NTM: variants seen among roughly 807,000 people sequenced by gnomAD.
NTM encodes neurotrimin, also known as IgLON family member 2.
NTM carries 13 observed loss-of-function variants against 42.1 expected under a neutral mutation model. That is an observed-to-expected ratio of 0.31 (90% CI 0.20 to 0.49). NTM has a LOEUF of 0.49. Among genes scored for constraint, NTM ranks in the 20% least tolerant of loss-of-function variants. The probability of loss-of-function intolerance (pLI) is 0.99; values close to 1 mark genes in which losing one functional copy is unlikely to be tolerated. For missense variants in NTM, 373 were observed against 452.8 expected (o/e 0.82, Z 1.60); for synonymous variants, 187 against 179.2 (o/e 1.04, Z -0.35).
intron 4 of NTM, among the ~76,000 whole-genome samples, chr11:132,261,401 C>A (rs1044913792): frequency 3.9e-5 from 6 of 152,148 alleles, no homozygotes; most frequent in African/African-American, 1.2e-4. Context: ...ACCTGGGGGG[C>A]ACAGACGCAC....
chr11:131,703,227 C>G (rs537902484), intron 1 of NTM, among the ~76,000 whole-genome samples: 3 of 152,166 alleles, frequency 2.0e-5, no homozygotes, highest in African/African-American at 4.8e-5. Flanking sequence ...GTAAAATACT[C>G]TCTTCACAAA....
intron 2 of NTM, among the ~76,000 whole-genome samples, chr11:132,078,599 C>G (rs1423234330): frequency 6.6e-6 from 1 of 152,158 alleles, no homozygotes; most frequent in African/African-American, 2.4e-5. Flanking sequence ...TAAAGTAAGC[C>G]AGATAGAAAC....
At chr11:131,982,230 G>T (rs552883707) in intron 2 of NTM, among the ~76,000 whole-genome samples, 3 of 152,222 alleles carry the variant, frequency 2.0e-5, no homozygotes, top group East Asian at 1.9e-4. Flanking sequence ...GGGAAGGGAG[G>T]CTCCTTTTTG....
chr11:131,450,976 TC>T (rs1950440394), intron 1 of NTM, among the ~76,000 whole-genome samples: 1 of 151,980 alleles, frequency 6.6e-6, no homozygotes, highest in Non-Finnish European at 1.5e-5. Context: ...CTTTCTGGGG[TC>T]CTCAAACTCT....
chr11:132,131,708 G>A lies in NTM; in HGVS notation c.168-14574G>A, dbSNP rs76709045. Among the ~76,000 whole-genome samples the A allele has an allele frequency of 2.7e-3, 406 of 152,244 alleles. 8 individuals carry two copies. The East Asian group carries it at 0.029, about 11-fold the overall frequency. ...TTTGAGCTTCATCCTGAAGGCAGTG[G>A]GAACCACTGAAGGCTCTTGAACAAG... is the stretch of plus-strand genomic sequence containing the variant. On this transcript the variant is annotated intron_variant, in intron 2 of 8. Coordinates refer to ENST00000683400, the MANE Select transcript of NTM (RefSeq NM_001352005.2).
chr11:132,279,423 A>G (rs1242828066), intron 4 of NTM, among the ~76,000 whole-genome samples: 1 of 152,178 alleles, frequency 6.6e-6, no homozygotes, highest in East Asian at 1.9e-4. Context: ...AATCTTGCAG[A>G]TGATCATCCA....
intron 2 of NTM, among the ~76,000 whole-genome samples, chr11:131,923,770 CCTTT>C (rs1220716567): frequency 1.3e-5 from 2 of 152,162 alleles, no homozygotes; most frequent in Non-Finnish European, 2.9e-5. Context: ...TTCATGTTAA[CCTTT>C]CTTTATTAAG....
chr11:131,777,154 A>C, intron 1 of NTM: 50 of 669,894 alleles, frequency 7.5e-5, no homozygotes, highest in East Asian at 1.4e-4. Flanking sequence ...TAACATCTCC[A>C]CCAATGCCCA....
intron 1 of NTM, among the ~76,000 whole-genome samples, chr11:131,799,583 C>A (rs1287543663): frequency 6.6e-6 from 1 of 152,098 alleles, no homozygotes; most frequent in African/African-American, 2.4e-5. Context: ...TTGGAGCCAG[C>A]CAAATACATC....
intron 2 of NTM, among the ~76,000 whole-genome samples, chr11:132,109,320 A>G (rs1338663680): frequency 6.6e-6 from 1 of 152,128 alleles, no homozygotes; most frequent in Non-Finnish European, 1.5e-5. Flanking sequence ...TCCCACCAAC[A>G]GTGTAAAAGC....
chr11:132,100,782 G>A (rs2061534720), intron 2 of NTM, among the ~76,000 whole-genome samples: 1 of 152,168 alleles, frequency 6.6e-6, no homozygotes, highest in South Asian at 2.1e-4. Context: ...ACTGAGCTGT[G>A]TTTTGATATG....
chr11:131,928,264 T>C (rs1324083293), intron 2 of NTM, among the ~76,000 whole-genome samples: 5 of 152,220 alleles, frequency 3.3e-5, no homozygotes, highest in Non-Finnish European at 5.9e-5. Context: ...ATAATACTTA[T>C]CGTAAGTATT....
intron 2 of NTM, among the ~76,000 whole-genome samples, chr11:132,132,530 G>A (rs1237848563): frequency 6.6e-6 from 1 of 152,180 alleles, no homozygotes; most frequent in Non-Finnish European, 1.5e-5. Flanking sequence ...ATGTAGCCAT[G>A]TATTTGGTTA....
chr11:131,818,245 C>A (rs572788006), intron 1 of NTM, among the ~76,000 whole-genome samples: 49 of 152,180 alleles, frequency 3.2e-4, no homozygotes, highest in Admixed American at 1.2e-3. Flanking sequence ...TCCCACCACC[C>A]AGGCCTGCCT....
intron 1 of NTM, among the ~76,000 whole-genome samples, chr11:131,709,785 G>C (rs2076938578): frequency 6.6e-6 from 1 of 152,118 alleles, no homozygotes; most frequent in Non-Finnish European, 1.5e-5. Context: ...AGCGAATATA[G>C]ATACAAAAGA....
At chr11:131,646,403 G>C (rs1475239212) in intron 1 of NTM, among the ~76,000 whole-genome samples, 1 of 152,122 alleles carries the variant, frequency 6.6e-6, no homozygotes, top group Non-Finnish European at 1.5e-5. Flanking sequence ...AATTCTACAA[G>C]TCCAGCTTTC....
intron 1 of NTM, among the ~76,000 whole-genome samples, chr11:131,586,410 C>A (rs549773981): frequency 2.0e-5 from 3 of 152,202 alleles, no homozygotes; most frequent in African/African-American, 7.2e-5. Context: ...TCCTCTTGGG[C>A]AAGCTCTCTC....
chr11:131,893,666 T>A (rs1477910249), intron 1 of NTM, among the ~76,000 whole-genome samples: 1 of 152,104 alleles, frequency 6.6e-6, no homozygotes, highest in Non-Finnish European at 1.5e-5. Flanking sequence ...ACTTTGGATG[T>A]TTTTGGTTGC....
chr11:132,319,929 A>ACAAT (rs1223434556), intron 7 of NTM, among the ~76,000 whole-genome samples: 1 of 152,200 alleles, frequency 6.6e-6, no homozygotes, highest in Non-Finnish European at 1.5e-5. Context: ...TTCCAGAGGA[A>ACAAT]CAATCAGGCA....
Sources: allele counts gnomAD v4.1 joint callset (sites outside exome capture counted in the v4.1 genomes callset), GRCh38; gene constraint gnomAD v4.1.1; transcripts MANE v1.5; gene names NCBI Gene and HGNC (gene_info 2026-07-23, HGNC 2026-07-21).